ZC3H3: variants seen among roughly 807,000 people sequenced by gnomAD.
The protein encoded by ZC3H3 is zinc finger CCCH domain-containing protein 3.
Under a neutral mutation model 77.3 loss-of-function variants are expected in ZC3H3, and 36 were observed. The ratio of observed to expected loss-of-function variants is 0.47; its 90% CI spans 0.36 to 0.61. The LOEUF is 0.61. Among genes scored for constraint, ZC3H3 ranks in the 20% least tolerant of loss-of-function variants. ZC3H3 has a pLI of 0.00. For missense variants in ZC3H3, 1,331 were observed against 1,312.2 expected (o/e 1.01, Z -0.22); for synonymous variants, 626 against 555.2 (o/e 1.13, Z -1.79).
chr8:143,452,112 C>A (rs150281165), intron 9 of ZC3H3, among the ~76,000 whole-genome samples: 1 of 152,236 alleles, frequency 6.6e-6, no homozygotes, highest in Non-Finnish European at 1.5e-5. Flanking sequence ...CCAGCCAACA[C>A]GCAAAACCAC....
In ZC3H3 at chr8:143,462,624, C is replaced by T. The variant is rs1820295306; in HGVS notation, c.2307+3093G>A. Among the ~76,000 whole-genome samples the T allele has an allele frequency of 6.6e-6, 1 of 152,204 alleles. No homozygotes were observed. Among genetic ancestry groups the T allele is most frequent in the African/African-American group, 2.4e-5 (1 of 41,456 alleles). On this transcript the variant is annotated intron_variant, in intron 9 of 11. Transcript: ENST00000262577. The surrounding 1 kb of genome is among the most constrained non-coding windows in gnomAD (Gnocchi z 4.7). ...ACTTGGGGAGCTGAAACCCAAGGCT[C>T]AGCCAGGGCCTTCCCTCTCCCGACA...
intron 3 of ZC3H3, chr8:143,523,495 G>C (rs1258048750): frequency 2.0e-6 from 2 of 985,308 alleles, no homozygotes; most frequent in Non-Finnish European, 2.4e-6. Flanking sequence ...GCTCCATGTG[G>C]CCCTACAGAC....
intron 3 of ZC3H3, among the ~76,000 whole-genome samples, chr8:143,518,230 A>G (rs1822124086): frequency 6.6e-6 from 1 of 151,998 alleles, no homozygotes; most frequent in Non-Finnish European, 1.5e-5. Flanking sequence ...AAACGGCCTC[A>G]GCCTAACCCA....
Position 143,503,880 on chromosome 8 carries a change from A to G in ZC3H3, c.1715+3866T>C, listed in dbSNP as rs573295745. ...ACAGGGAGGAGAGGCCCCAGCCCCT[A>G]TTACAAACCCAGCCATCAACGGGCC... On this transcript the variant is annotated intron_variant, in intron 4 of 11. Transcript: ENST00000262577. 5.8e-4 allele frequency among the ~76,000 whole-genome samples: 88 copies of G among 152,228 alleles called. 3 individuals are homozygous for G. The highest frequency in any genetic ancestry group is 8.1e-4 in the Non-Finnish European group (55 of 68,010).
chr8:143,468,311 G>A (rs748735595), intron 7 of ZC3H3, 33 bp from the exon 8 acceptor site: 13 of 1,612,424 alleles, frequency 8.1e-6, no homozygotes, highest in Non-Finnish European at 1.0e-5. Context: ...TATGAGGAAG[G>A]GCCGGCAGGG....
chr8:143,501,883 G>A (rs552758400), intron 4 of ZC3H3, among the ~76,000 whole-genome samples: 1 of 152,400 alleles, frequency 6.6e-6, no homozygotes, highest in Non-Finnish European at 1.5e-5. Context: ...GAACCCTGCT[G>A]TGGACTGAAT....
chr8:143,489,900 GCAGGAAAGT>G (rs1821154761), intron 4 of ZC3H3, among the ~76,000 whole-genome samples: 1 of 152,174 alleles, frequency 6.6e-6, no homozygotes, highest in African/African-American at 2.4e-5. Context: ...TTGCTGACTT[GCAGGAAAGT>G]CAGGAAAGTG....
intron 9 of ZC3H3, among the ~76,000 whole-genome samples, chr8:143,450,666 C>T (rs4874127): frequency 0.63 from 94,928 of 151,516 alleles, 29,979 homozygotes; most frequent in African/African-American, 0.66. Context: ...AGCAGGAGGT[C>T]GAGAGAGGGA....
chr8:143,440,386 C>T (rs1294392971), intron 10 of ZC3H3, 23 bp from the exon 11 acceptor site: 26 of 1,505,758 alleles, frequency 1.7e-5, no homozygotes, highest in South Asian at 5.3e-5. Context: ...AAGGGGCAGA[C>T]GTGTGAGGTG....
intron 4 of ZC3H3, among the ~76,000 whole-genome samples, chr8:143,476,633 T>C (rs1820742689): frequency 6.6e-6 from 1 of 152,218 alleles, no homozygotes; most frequent in Admixed American, 6.5e-5. Flanking sequence ...CTGCTCAAGC[T>C]GCCATGACCC....
At chr8:143,491,740 A>T (rs388357) in intron 4 of ZC3H3, among the ~76,000 whole-genome samples, 3 of 152,110 alleles carry the variant, frequency 2.0e-5, no homozygotes, top group South Asian at 4.1e-4. Context: ...AGCTGCCCTC[A>T]GGGGCAGGGG....
In ZC3H3 at chr8:143,462,463, C is replaced by T. The variant is rs907809498; in HGVS notation, c.2307+3254G>A. Among the ~76,000 whole-genome samples the T allele has an allele frequency of 2.0e-5, 3 of 152,226 alleles. No homozygotes were observed. The highest frequency in any genetic ancestry group is 7.2e-5 in the African/African-American group (3 of 41,454). Reference sequence around the variant, plus strand: ...AAGGGCAGCACTGGCGAAAGCAAGGCACCAACAGAGAAGCGCTGTATGTGA... The same window carrying T: ...AAGGGCAGCACTGGCGAAAGCAAGGTACCAACAGAGAAGCGCTGTATGTGA... On this transcript the variant is annotated intron_variant, in intron 9 of 11. Transcript: ENST00000262577. The surrounding 1 kb of genome is among the most constrained non-coding windows in gnomAD (Gnocchi z 4.7).
rs185082254 is a variant in ZC3H3, at chr8:143,443,222, T to C, written c.2308-2102A>G. 5.5e-3 allele frequency among the ~76,000 whole-genome samples: 815 copies of C among 147,878 alleles called. 5 individuals are homozygous for C. Among genetic ancestry groups the C allele is most frequent in the African/African-American group, 0.02 (787 of 39,870 alleles). ...ATCGCTTGAACCTGGGTGGTGGAGG[T>C]TGCAGTGAGCCAAGATTGCACCACT... On this transcript the variant is annotated intron_variant, in intron 9 of 11. Coordinates refer to ENST00000262577, the MANE Select transcript of ZC3H3 (RefSeq NM_015117.3).
At chr8:143,496,681 G>T (rs956717520) in intron 4 of ZC3H3, among the ~76,000 whole-genome samples, 16 of 151,942 alleles carry the variant, frequency 1.1e-4, no homozygotes, top group Middle Eastern at 3.2e-3. Context: ...AGTCCGGTAA[G>T]AAACAGGATG....
chr8:143,475,477 G>C lies in ZC3H3; in HGVS notation c.1824C>G (p.Leu608=), dbSNP rs772803232. The C allele has an allele frequency of 8.7e-6, 14 of 1,613,066 alleles. No homozygotes were observed. The highest frequency in any genetic ancestry group is 1.2e-5 in the Non-Finnish European group (14 of 1,179,966). ...AGAGCTTGTTGGCAGATACTTTGTAGAGGACCCCTCCGATGCAGCGGTAGC... is the reference window on the plus strand; with the variant it reads ...AGAGCTTGTTGGCAGATACTTTGTACAGGACCCCTCCGATGCAGCGGTAGC... ...SKGYRCIGGV[L]YKVSANKLSK... is the part of the protein sequence containing the mutation. Residue 608 remains leucine, a synonymous_variant, in exon 5 of 12, where the codon CTC becomes CTG. Coordinates refer to ENST00000262577, the MANE Select transcript of ZC3H3 (RefSeq NM_015117.3).
chr8:143,537,258 G>T (rs1043069538), intron 2 of ZC3H3, among the ~76,000 whole-genome samples: 6 of 152,216 alleles, frequency 3.9e-5, no homozygotes, highest in Admixed American at 1.3e-4. Context: ...GAGTGACTCT[G>T]CCTGGCTGCC....
chr8:143,448,067 G>A (rs1037557529), intron 9 of ZC3H3, among the ~76,000 whole-genome samples: 4 of 152,098 alleles, frequency 2.6e-5, no homozygotes, highest in East Asian at 3.9e-4. Flanking sequence ...GGGGGGTTGC[G>A]GTGAGCTGAG....
rs1242926874 is a variant in ZC3H3 at position 143,532,229 on chromosome 8, G to A, written c.1561+4028C>T. Among the ~76,000 whole-genome samples, 36 of 152,166 alleles carry A rather than the reference G, an allele frequency of 2.4e-4. No homozygotes were observed. In the South Asian group the frequency reaches 3.5e-3, roughly 15 times the overall value. ...CTTTCACATAAAAAGGAAATTACGC[G>A]ATTACCAAAAAAGGGTGGACGGAGG... On this transcript the variant is annotated intron_variant, in intron 3 of 11. Transcript: ENST00000262577.
chr8:143,438,141 C>CA, intron 11 of ZC3H3, 54 bp from the exon 12 acceptor site: 1 of 1,578,188 alleles, frequency 6.3e-7, no homozygotes, highest in Non-Finnish European at 8.6e-7. Flanking sequence ...AGAACCTCCC[C>CA]AGCCTGCAAA....
Sources: gnomAD v4.1 joint callset for allele counts (sites outside exome capture counted in the v4.1 genomes callset) on GRCh38, gnomAD v4.1.1 for gene constraint, Gnocchi (gnomAD v3.1) non-coding constraint, MANE v1.5 for transcripts, NCBI Gene and HGNC (gene_info 2026-07-23, HGNC 2026-07-21) for gene names.